The following PLEC variants were observed in gnomAD, a reference collection of about 807,000 sequenced individuals.
PLEC encodes the protein plectin, also known as hemidesmosomal protein 1.
A neutral mutation model predicts 392.8 loss-of-function variants in PLEC; 216 were observed. The observed-to-expected ratio is 0.55, with a 90% CI of 0.49 to 0.62. The LOEUF (loss-of-function observed/expected upper bound fraction) is 0.62. Among genes scored for constraint, PLEC ranks in the 20% least tolerant of loss-of-function variants. PLEC has a pLI of 0.00. For missense variants in PLEC, 6,863 were observed against 6,563.4 expected (o/e 1.05, Z -1.58); for synonymous variants, 3,621 against 2,980.6 (o/e 1.21, Z -7.00).
In PLEC at chr8:143,932,506, G is replaced by A. The variant is rs201447140; in HGVS notation, c.1871C>T (p.Ala624Val). The A allele has an allele frequency of 1.2e-6, 2 of 1,611,866 alleles. No individual in the cohort carries two copies. The highest frequency in any genetic ancestry group is 1.3e-5 in the African/African-American group (1 of 75,038). The stretch of plus-strand genomic sequence containing the variant: ...CAGCCACATTAGCTCCTTAGTGGCG[G>A]CTGCCACAAAGCTGTGCAAGCTCTC... ...SLESLHSFVAAATKELMWLNE... is the reference protein window; with the variant it reads ...SLESLHSFVAVATKELMWLNE... Residue 624 changes from alanine to valine, a missense_variant, in exon 16 of 32, where the codon GCC (alanine) becomes GTC (valine). By Grantham distance (64) the Ala-to-Val change is moderately conservative. Transcript: ENST00000345136.
chr8:143,961,532 CCT>C (rs782692653), intron 1 of PLEC, among the ~76,000 whole-genome samples: 2 of 152,116 alleles, frequency 1.3e-5, no homozygotes, highest in Non-Finnish European at 2.9e-5. Context: ...CCAGAAATTC[CCT>C]TTTTAACAAC....
chr8:143,950,689 G>A (rs1832053961), exon 1 of PLEC: 7 of 1,567,090 alleles, frequency 4.5e-6, no homozygotes, highest in South Asian at 2.3e-5. Context: ...CCCGTGGCAT[G>A]AGCATGCCGG....
rs1833296546 is a variant in PLEC, at chr8:143,969,389, C to A, written c.70+4014G>T. 6.6e-6 allele frequency among the ~76,000 whole-genome samples: 1 copy of A among 152,206 alleles called. No individual in the cohort carries two copies. The highest frequency in any genetic ancestry group is 6.5e-5 in the Admixed American group (1 of 15,282). Reference sequence around the variant, plus strand: ...CAGCCTGTGGCAGGAGAGCTCTGGGCACCCTATGGGAGAGGCCTCCGTGCT... The same window carrying A: ...CAGCCTGTGGCAGGAGAGCTCTGGGAACCCTATGGGAGAGGCCTCCGTGCT... On this transcript the variant is annotated intron_variant, in intron 1 of 31. Transcript: ENST00000356346. The surrounding 1 kb of genome is among the most constrained non-coding windows in gnomAD (Gnocchi z 5.1).
chr8:143,953,617 T>C, upstream of PLEC: 1 of 1,190,788 alleles, frequency 8.4e-7, no homozygotes, highest in Non-Finnish European at 1.2e-6. Flanking sequence ...ACCCACAGTG[T>C]CACCCCAGGG....
At chr8:143,926,528 G>A (rs1166122546) in intron 30 of PLEC, among the ~76,000 whole-genome samples, 1 of 152,126 alleles carries the variant, frequency 6.6e-6, no homozygotes, top group African/African-American at 2.4e-5. Flanking sequence ...AGGCTGCAGG[G>A]GGGACGCTCA....
chr8:143,969,358 C>T lies in PLEC; in HGVS notation c.70+4045G>A, dbSNP rs1554743430. Among the ~76,000 whole-genome samples the T allele has an allele frequency of 6.6e-6, 1 of 152,218 alleles. No individual in the cohort carries two copies. The highest frequency in any genetic ancestry group is 1.5e-5 in the Non-Finnish European group (1 of 68,042). On this transcript the variant is annotated intron_variant, in intron 1 of 31. Transcript: ENST00000356346. The surrounding 1 kb of genome is among the most constrained non-coding windows in gnomAD (Gnocchi z 5.1). ...AGGGCAGATTCCTCTGGGGCTGAGG[C>T]TACTGCAGCCTGTGGCAGGAGAGCT...
At position 143,924,625 on chromosome 8, in the gene PLEC, C is replaced by T. The variant is rs186670912; in HGVS notation, c.5304G>A (p.Leu1768=). 4.3e-3 allele frequency: 6,689 copies of T among 1,540,008 alleles called. 13 individuals carry two copies. Among genetic ancestry groups the T allele is most frequent in the Admixed American group, 0.018 (918 of 51,762 alleles). The change falls in exon 31 of 32, where the codon CTG becomes CTA. Residue 1768 remains leucine, a synonymous_variant. Coordinates refer to ENST00000345136, the MANE Select transcript of PLEC (RefSeq NM_201384.3). The part of the protein sequence containing the change: ...AKVRAEMEVL[L]ASKARAEEES... ...CCTCCTCAGCCCTCGCCTTGCTGGC[C>T]AGCAGCACCTCCATCTCGGCCCGCA...
At position 143,935,048 on chromosome 8, in the gene PLEC, G is replaced by A; in HGVS notation, c.788C>T (p.Pro263Leu). Residue 263 changes from proline (P) to leucine (L), a missense_variant, in exon 8 of 32, where the codon CCC (proline) becomes CTC (leucine). Physicochemically the swap from Pro to Leu is moderately conservative, Grantham distance 98. Transcript: ENST00000345136. ...TYVSSLYDAMPRVPDVQDGVR... is the reference protein window; with the variant it reads ...TYVSSLYDAMLRVPDVQDGVR... ...CCCATCCTGCACGTCCGGCACGCGG[G>A]GCATGGCGTCATACAGCGACGAGAC... 2 of 1,612,830 alleles carry A rather than the reference G, an allele frequency of 1.2e-6. No homozygotes were observed. Among genetic ancestry groups the A allele is most frequent in the Non-Finnish European group, 1.7e-6 (2 of 1,179,926 alleles).
At position 143,925,855 on chromosome 8, in the gene PLEC, C is replaced by G; in HGVS notation, c.4074G>C (p.Glu1358Asp). 4 of 1,548,804 alleles carry G rather than the reference C, an allele frequency of 2.6e-6. No individual in the cohort carries two copies. Among genetic ancestry groups the G allele is most frequent in the Non-Finnish European group, 3.5e-6 (4 of 1,153,866 alleles). Residue 1358 changes from glutamate to aspartate, a missense_variant, in exon 31 of 32, where the codon GAG becomes GAC. Glu to Asp is a conservative substitution (Grantham distance 45, BLOSUM62 2). Transcript: ENST00000345136. ...ERLAEQQRAE[E>D]RERLAEVEAA... Reference sequence around the variant, plus strand: ...CCTCCACCTCGGCCAGCCGCTCGCGCTCCTCTGCCCGCTGCTGCTCAGCCA... The same window carrying G: ...CCTCCACCTCGGCCAGCCGCTCGCGGTCCTCTGCCCGCTGCTGCTCAGCCA...
rs782243712 is a variant in PLEC, at chr8:143,917,557, C to T, written c.12264G>A (p.Lys4088=). The change falls in exon 32 of 32, where the codon AAG becomes AAA. Residue 4088 remains lysine (K), a synonymous_variant. Transcript: ENST00000345136. ...CCTCCGTGTTAGGGTCAAAGAAGCC[C>T]TTGGTGTCGTCCGAGGGGTCGGTCA... ...EILTDPSDDT[K]GFFDPNTEEN... is the part of the protein sequence containing the mutation. 2.5e-5 allele frequency: 41 copies of T among 1,613,820 alleles called. No individual in the cohort carries two copies. Among genetic ancestry groups the T allele is most frequent in the Non-Finnish European group, 3.5e-5 (41 of 1,180,036 alleles).
chr8:143,975,210 C>G, upstream of PLEC: 1 of 1,603,310 alleles, frequency 6.2e-7, no homozygotes, highest in Non-Finnish European at 8.5e-7. The surrounding 1 kb of genome is among the most constrained non-coding windows in gnomAD (Gnocchi z 9.9). Flanking sequence ...TCAGCTGGGT[C>G]CAGGACACTC....
At chr8:143,970,623 A>G (rs1554743928) in intron 1 of PLEC, among the ~76,000 whole-genome samples, 1 of 152,206 alleles carries the variant, frequency 6.6e-6, no homozygotes, top group Non-Finnish European at 1.5e-5. Flanking sequence ...GGAGTTGTGT[A>G]GCTGTCAATT....
rs781985645 is a variant in PLEC at position 143,932,496 on chromosome 8, C to A, written c.1881G>T (p.Lys627Asn). The part of the protein sequence containing the change: ...SLHSFVAAAT[K>N]ELMWLNEKEE... ...CCTTCTCATTCAGCCACATTAGCTC[C>A]TTAGTGGCGGCTGCCACAAAGCTGT... is the stretch of plus-strand genomic sequence containing the variant. The change falls in exon 16 of 32, where the codon AAG becomes AAT. Residue 627 changes from lysine to asparagine, a missense_variant. Transcript: ENST00000345136. 1 of 1,612,624 alleles carries A rather than the reference C, an allele frequency of 6.2e-7. No individual in the cohort carries two copies. Among genetic ancestry groups the A allele is most frequent in the Non-Finnish European group, 8.5e-7 (1 of 1,179,958 alleles).
In PLEC at chr8:143,934,763, G is replaced by T. The variant is rs6994460; in HGVS notation, c.946-33C>A. On this transcript the variant is annotated intron_variant, in intron 9 of 31. Coordinates refer to ENST00000345136, the MANE Select transcript of PLEC (RefSeq NM_201384.3). Reference sequence around the variant, plus strand: ...GGACGAGGCTGTCGGCAACCACGCCGGGCTCTCAGGGCAGGCCCAGGACCC... The same window carrying T: ...GGACGAGGCTGTCGGCAACCACGCCTGGCTCTCAGGGCAGGCCCAGGACCC... The T allele has an allele frequency of 2.5e-4, 407 of 1,611,786 alleles. 4 individuals are homozygous for T. In the East Asian group the frequency reaches 5.6e-3, roughly 22 times the overall value.
Position 143,919,368 on chromosome 8 carries a change from C to T in PLEC, c.10453G>A (p.Val3485Met), listed in dbSNP as rs1554678045. Residue 3485 changes from valine (V) to methionine (M), a missense_variant, in exon 32 of 32, where the codon GTG (valine) becomes ATG (methionine). Transcript: ENST00000345136. ...IDPVHSHRVP[V>M]DVAYQRGYFS... is the part of the protein sequence containing the mutation. ...TAGCCGCGCTGGTAGGCCACGTCCA[C>T]AGGCACGCGGTGGCTGTGCACGGGG... The T allele has an allele frequency of 2.5e-6, 4 of 1,613,702 alleles. No individual in the cohort carries two copies. The highest frequency in any genetic ancestry group is 2.2e-5 in the East Asian group (1 of 44,894).
At chr8:143,959,120 G>A (rs868921369) in intron 1 of PLEC, among the ~76,000 whole-genome samples, 1 of 152,192 alleles carries the variant, frequency 6.6e-6, no homozygotes, top group Non-Finnish European at 1.5e-5. Context: ...CTGAGGGGAG[G>A]GCGTGTGAGG....
Position 143,927,718 on chromosome 8 carries a change from G to C in PLEC, c.3448C>G (p.Arg1150Gly). 1 of 1,590,484 alleles carries C rather than the reference G, an allele frequency of 6.3e-7. No homozygotes were observed. Among genetic ancestry groups the C allele is most frequent in the Non-Finnish European group, 8.6e-7 (1 of 1,167,338 alleles). Reference protein sequence around the residue: ...EAQQPTFDALRDELRGAQEVG... With the variant: ...EAQQPTFDALGDELRGAQEVG... ...TCCTGTGCCCCCCGCAGCTCATCCC[G>C]CAGGGCGTCGAACGTGGGCTGCTGT... is the stretch of plus-strand genomic sequence containing the variant. The change falls in exon 27 of 32, where the codon CGG becomes GGG. Residue 1150 changes from arginine to glycine, a missense_variant. Physicochemically the swap from Arg to Gly is moderately radical, Grantham distance 125. Coordinates refer to ENST00000345136, the MANE Select transcript of PLEC (RefSeq NM_201384.3).
In PLEC at chr8:143,938,726, G is replaced by A. The variant is rs782451263; in HGVS notation, c.113-34C>T. 3 of 1,600,796 alleles carry A rather than the reference G, an allele frequency of 1.9e-6. No homozygotes were observed. In the South Asian group the frequency reaches 3.3e-5, roughly 18 times the overall value. On this transcript the variant is annotated intron_variant, in intron 1 of 31. Coordinates refer to ENST00000345136, the MANE Select transcript of PLEC (RefSeq NM_201384.3). ...GACAAGACCAGCTTACCTGGGGCCT[G>A]GGAGAAGCCCCGGGGGCCCTCAGGT...
chr8:143,920,592 T>A lies in PLEC; in HGVS notation c.9229A>T (p.Thr3077Ser). Residue 3077 changes from threonine (T) to serine (S), a missense_variant, in exon 32 of 32, where the codon ACC becomes TCC. Coordinates refer to ENST00000345136, the MANE Select transcript of PLEC (RefSeq NM_201384.3). Reference protein sequence around the residue: ...IIDPATSARLTVDEAVRAGLV... With the variant: ...IIDPATSARLSVDEAVRAGLV... ...CCAGCACGCACTGCCTCGTCCACGGTCAGCCGGGCGCTGGTGGCGGGGTCG... is the reference window on the plus strand; with the variant it reads ...CCAGCACGCACTGCCTCGTCCACGGACAGCCGGGCGCTGGTGGCGGGGTCG... 1 of 1,610,096 alleles carries A rather than the reference T, an allele frequency of 6.2e-7. No homozygotes were observed.
Sources: gnomAD v4.1 joint callset for allele counts (sites outside exome capture counted in the v4.1 genomes callset) on GRCh38, gnomAD v4.1.1 for gene constraint, Gnocchi (gnomAD v3.1) non-coding constraint, MANE v1.5 for transcripts, NCBI Gene and HGNC (gene_info 2026-07-23, HGNC 2026-07-21) for gene names.